Variants in MSX2 observed in about 807,000 individuals in gnomAD.
MSX2 encodes the protein msh homeobox 2.
Under a neutral mutation model 18.4 loss-of-function variants are expected in MSX2, and 10 were observed. That is an observed-to-expected ratio of 0.54 (90% confidence interval 0.34 to 0.92). The LOEUF (loss-of-function observed/expected upper bound fraction) is 0.92, where lower values mean the gene tolerates loss of function less well. Among genes scored for constraint, MSX2 ranks in the 40% least tolerant of loss-of-function variants. The pLI is 0.02. For synonymous variants in MSX2, 170 were observed against 165.6 expected, an observed-to-expected ratio of 1.03 and a Z score of -0.20; for missense variants, 339 against 364.0, an observed-to-expected ratio of 0.93 and a Z score of 0.56.
At position 174,730,767 on chromosome 5, in the gene MSX2, C is replaced by T. The variant is rs953583966; in HGVS notation, c.*1184C>T. The T allele has an allele frequency of 2.0e-5, 3 of 152,540 alleles. No individual in the cohort carries two copies. The highest frequency in any genetic ancestry group is 4.8e-5 in the African/African-American group (2 of 41,412). 9.4% of individuals were successfully genotyped at this position (152,540 alleles called of 1,614,324 possible). A position where few individuals can be genotyped will look rare whatever the true frequency, so the allele number is the denominator to read the frequency against. ...CACCTTCCTGTCCATCTGTCCCCTC[C>T]CTCCGGTATACCTTTATCCCTTTGA... On this transcript the variant is annotated 3_prime_UTR_variant, in exon 2 of 2. Coordinates refer to ENST00000239243, the MANE Select transcript of MSX2 (RefSeq NM_002449.5).
At chr5:174,727,732 A>G (rs1706189162) in intron 1 of MSX2, among the ~76,000 whole-genome samples, 1 of 152,138 alleles carries the variant, frequency 6.6e-6, no homozygotes, top group Admixed American at 6.5e-5. Flanking sequence ...AAAGCCTCTT[A>G]TCTCTTTTTG....
rs563854638 is a variant in MSX2, at chr5:174,727,558, T to G, written c.380-1601T>G. Among the ~76,000 whole-genome samples the G allele has an allele frequency of 2.5e-4, 38 of 152,290 alleles. No homozygotes were observed. In the South Asian group the frequency reaches 7.5e-3, roughly 30 times the overall value. ...GCCTAGTTTAGAAAGGGCGAGAATTTTGCAGGTCTCTTGAGAGTCTCTGAC... is the reference window on the plus strand; with the variant it reads ...GCCTAGTTTAGAAAGGGCGAGAATTGTGCAGGTCTCTTGAGAGTCTCTGAC... On this transcript the variant is annotated intron_variant, in intron 1 of 1. Coordinates refer to ENST00000239243, the MANE Select transcript of MSX2 (RefSeq NM_002449.5).
intron 1 of MSX2, 89 bp downstream of exon 1, chr5:174,725,127 C>T (rs910999163): frequency 1.7e-4 from 258 of 1,533,608 alleles, no homozygotes; most frequent in Admixed American, 2.1e-4. Context: ...GGTACCGAGA[C>T]CCTTCTGCGT....
At chr5:174,727,994 C>G (rs1482224977) in intron 1 of MSX2, among the ~76,000 whole-genome samples, 1 of 152,198 alleles carries the variant, frequency 6.6e-6, no homozygotes, top group Non-Finnish European at 1.5e-5. Context: ...GTTAAGTATT[C>G]TATCACCACA....
chr5:174,728,965 ATATG>A lies in MSX2; in HGVS notation c.380-192_380-189del, dbSNP rs1430245058. ...ACAAAGTATGTCTTTCCATACATAGATATGTGTGTGTGTGTGTGTGTGTGTGTGT... is the reference window on the plus strand; with the variant it reads ...ACAAAGTATGTCTTTCCATACATAGATGTGTGTGTGTGTGTGTGTGTGTGT... On this transcript the variant is annotated intron_variant, in intron 1 of 1. Coordinates refer to ENST00000239243, the MANE Select transcript of MSX2 (RefSeq NM_002449.5). 1.3e-4 allele frequency among the ~76,000 whole-genome samples: 6 copies of A among 46,878 alleles called. No homozygotes were observed. In the South Asian group the frequency reaches 4.6e-3, roughly 36 times the overall value. The allele number at this position is 46,878 out of a possible 152,430, so 30.8% of individuals were successfully genotyped here. A position where few individuals can be genotyped will look rare whatever the true frequency, so the allele number is the denominator to read the frequency against.
Position 174,724,648 on chromosome 5 carries a change from G to A in MSX2, c.-12G>A, listed in dbSNP as rs1032090157. On this transcript the variant is annotated 5_prime_UTR_variant, in exon 1 of 2. Coordinates refer to ENST00000239243, the MANE Select transcript of MSX2 (RefSeq NM_002449.5). ...GAGTCGCGCGTCGGGAGCTACGTAG[G>A]GCAGAGAAGTCATGGCTTCTCCGTC... 6.3e-7 allele frequency: 1 copy of A among 1,582,992 alleles called. No homozygotes were observed. The highest frequency in any genetic ancestry group is 1.3e-5 in the African/African-American group (1 of 74,394).
chr5:174,724,603 C>T lies in MSX2; in HGVS notation c.-57C>T, dbSNP rs932134039. ...CTCCGCAGCAAAAAAGTTTGAGTCG[C>T]CGCTGCCGGGTTGCCAGCGGAGTCG... is the stretch of plus-strand genomic sequence containing the variant. On this transcript the variant is annotated 5_prime_UTR_variant, in exon 1 of 2. Coordinates refer to ENST00000239243, the MANE Select transcript of MSX2 (RefSeq NM_002449.5). The T allele has an allele frequency of 1.9e-6, 3 of 1,548,780 alleles. No homozygotes were observed. The highest frequency in any genetic ancestry group is 1.9e-5 in the Admixed American group (1 of 51,418).
Position 174,724,673 on chromosome 5 carries a change from C to G in MSX2, c.14C>G (p.Ser5Cys), listed in dbSNP as rs1353927283. The change falls in exon 1 of 2, where the codon TCC becomes TGC. Residue 5 changes from serine to cysteine, a missense_variant. By Grantham distance (112) the Ser-to-Cys change is moderately radical. Coordinates refer to ENST00000239243, the MANE Select transcript of MSX2 (RefSeq NM_002449.5). Reference protein sequence around the residue: MASPSKGNDLFSPDE... With the variant: MASPCKGNDLFSPDE... ...GGCAGAGAAGTCATGGCTTCTCCGT[C>G]CAAAGGCAATGACTTGTTTTCGCCC... 2 of 1,593,292 alleles carry G rather than the reference C, an allele frequency of 1.3e-6. No homozygotes were observed. Among genetic ancestry groups the G allele is most frequent in the Non-Finnish European group, 1.7e-6 (2 of 1,171,232 alleles).
chr5:174,729,007 A>T, intron 1 of MSX2, 152 bp from the exon 2 acceptor site: 1 of 646,646 alleles, frequency 1.5e-6, no homozygotes, highest in Non-Finnish European at 2.7e-6. Flanking sequence ...ATATGTATGT[A>T]TATATAGATT....
At chr5:174,726,733 G>A (rs539232608) in intron 1 of MSX2, among the ~76,000 whole-genome samples, 1 of 152,148 alleles carries the variant, frequency 6.6e-6, no homozygotes, top group African/African-American at 2.4e-5. Flanking sequence ...CGACAGTGAG[G>A]TAGAGGCTCA....
At chr5:174,726,956 G>A (rs1474546328) in intron 1 of MSX2, among the ~76,000 whole-genome samples, 3 of 152,022 alleles carry the variant, frequency 2.0e-5, no homozygotes, top group Non-Finnish European at 2.9e-5. Context: ...AGGCAACCTC[G>A]GGCCCAGGCT....
rs890715736 is a variant in MSX2 at position 174,724,844 on chromosome 5, C to G, written c.185C>G (p.Ala62Gly). ...LMSDKKPPKE[A>G]SPLPAESASA... ...TCCGACAAGAAGCCGCCCAAGGAGG[C>G]GTCCCCGCTGCCGGCCGAAAGCGCC... The change falls in exon 1 of 2, where the codon GCG (alanine) becomes GGG (glycine). Residue 62 changes from alanine to glycine, a missense_variant. Coordinates refer to ENST00000239243, the MANE Select transcript of MSX2 (RefSeq NM_002449.5). 1.9e-6 allele frequency: 3 copies of G among 1,551,192 alleles called. No individual in the cohort carries two copies. Among genetic ancestry groups the G allele is most frequent in the Non-Finnish European group, 1.7e-6 (2 of 1,147,778 alleles).
Position 174,728,850 on chromosome 5 carries a change from A to G in MSX2, c.380-309A>G, listed in dbSNP as rs191875774. On this transcript the variant is annotated intron_variant, in intron 1 of 1. Coordinates refer to ENST00000239243, the MANE Select transcript of MSX2 (RefSeq NM_002449.5). ...CTTTTCTTAAAAAACTCATTTTTAA[A>G]AAACGAAGCAACTTACCCATTTATA... 1.4e-3 allele frequency among the ~76,000 whole-genome samples: 214 copies of G among 152,296 alleles called. No individual in the cohort carries two copies. The Middle Eastern group carries it at 0.024, about 17-fold the overall frequency.
At position 174,727,432 on chromosome 5, in the gene MSX2, G is replaced by A. The variant is rs981942022; in HGVS notation, c.380-1727G>A. On this transcript the variant is annotated intron_variant, in intron 1 of 1. Transcript: ENST00000239243. ...CCAGCTGGAATTACCCTGCCCAGGC[G>A]CACAGTGCTTCAAAACCCCACGTAG... Among the ~76,000 whole-genome samples, 5 of 152,142 alleles carry A rather than the reference G, an allele frequency of 3.3e-5. No homozygotes were observed. In the East Asian group the frequency reaches 5.8e-4, roughly 18 times the overall value.
rs1760748719 is a variant in MSX2, at chr5:174,724,943, T to G, written c.284T>G (p.Leu95Arg). ...CGGGAAGCGCACAGCCCCGGGCCGCTGGTGAAGCCCTTCGAGACCGCCTCG... is the reference window on the plus strand; with the variant it reads ...CGGGAAGCGCACAGCCCCGGGCCGCGGGTGAAGCCCTTCGAGACCGCCTCG... ...GAREAHSPGP[L>R]VKPFETASVK... is the part of the protein sequence containing the mutation. The change falls in exon 1 of 2, where the codon CTG becomes CGG. Residue 95 changes from leucine to arginine, a missense_variant. Coordinates refer to ENST00000239243, the MANE Select transcript of MSX2 (RefSeq NM_002449.5). The G allele has an allele frequency of 6.3e-7, 1 of 1,591,962 alleles. No homozygotes were observed. The highest frequency in any genetic ancestry group is 2.3e-5 in the East Asian group (1 of 44,108).
At chr5:174,727,167 G>A (rs1008491739) in intron 1 of MSX2, among the ~76,000 whole-genome samples, 4 of 152,176 alleles carry the variant, frequency 2.6e-5, no homozygotes, top group Non-Finnish European at 5.9e-5. Context: ...AATGCCAGGC[G>A]ACGGAGCCTG....
intron 1 of MSX2, among the ~76,000 whole-genome samples, chr5:174,727,248 C>T (rs927326242): frequency 3.3e-5 from 5 of 151,954 alleles, no homozygotes; most frequent in Admixed American, 2.0e-4. Flanking sequence ...GCTGTTTTGC[C>T]TTATATAATC....
At chr5:174,727,902 C>T (rs1760837956) in intron 1 of MSX2, among the ~76,000 whole-genome samples, 1 of 152,132 alleles carries the variant, frequency 6.6e-6, no homozygotes, top group African/African-American at 2.4e-5. Context: ...CAACATTCTC[C>T]CATGAATACA....
intron 1 of MSX2, among the ~76,000 whole-genome samples, chr5:174,728,556 A>G (rs899823124): frequency 3.3e-5 from 5 of 152,222 alleles, no homozygotes; most frequent in African/African-American, 1.2e-4. Flanking sequence ...CAGAGAGGAG[A>G]CCAAGGGAAA....
Sources: allele counts gnomAD v4.1 joint callset (sites outside exome capture counted in the v4.1 genomes callset), GRCh38; gene constraint gnomAD v4.1.1; transcripts MANE v1.5; gene names NCBI Gene and HGNC (gene_info 2026-07-23, HGNC 2026-07-21).